The following SUMF1 variants were observed in gnomAD, a reference collection of about 807,000 sequenced individuals.
SUMF1 encodes the protein formylglycine-generating enzyme.
A neutral mutation model predicts 47.6 loss-of-function variants in SUMF1; 48 were observed. That is an observed-to-expected ratio of 1.01 (90% CI 0.80 to 1.28). The LOEUF is 1.28. Ranked by LOEUF, SUMF1 falls within the 50% of genes most tolerant of loss-of-function variation. The pLI is 0.00. For missense variants in SUMF1, 571 were observed against 485.4 expected, an observed-to-expected ratio of 1.18 and a Z score of -1.66; for synonymous variants, 230 against 192.1, an observed-to-expected ratio of 1.20 and a Z score of -1.63.
At chr3:4,204,857 A>T (rs1695618492) in intron 8 of SUMF1, among the ~76,000 whole-genome samples, 1 of 151,586 alleles carries the variant, frequency 6.6e-6, no homozygotes, top group Non-Finnish European at 1.5e-5. Context: ...TTACTTTGTT[A>T]AGTTTATCTT....
chr3:4,257,988 C>G (rs1260836432), intron 8 of SUMF1, among the ~76,000 whole-genome samples: 1 of 152,008 alleles, frequency 6.6e-6, no homozygotes, highest in East Asian at 1.9e-4. Flanking sequence ...CTTTGACAAA[C>G]CTGACAAAAA....
intron 8 of SUMF1, among the ~76,000 whole-genome samples, chr3:4,205,741 G>A (rs1695637525): frequency 6.6e-6 from 1 of 152,088 alleles, no homozygotes; most frequent in Admixed American, 6.5e-5. Flanking sequence ...AGATTACCAG[G>A]CAGAGTCTCT....
intron 8 of SUMF1, among the ~76,000 whole-genome samples, chr3:4,134,907 C>G (rs983572773): frequency 1.3e-5 from 2 of 152,034 alleles, no homozygotes; most frequent in East Asian, 3.9e-4. Context: ...ATACACTTTC[C>G]CAAGACTAAA....
At chr3:4,277,862 G>C (rs1697450358) in intron 8 of SUMF1, among the ~76,000 whole-genome samples, 1 of 151,864 alleles carries the variant, frequency 6.6e-6, no homozygotes, top group South Asian at 2.1e-4. Flanking sequence ...TTTAAACAGG[G>C]CCCATCCAAA....
At chr3:4,185,155 A>T (rs1331201703) in intron 8 of SUMF1, among the ~76,000 whole-genome samples, 1 of 152,172 alleles carries the variant, frequency 6.6e-6, no homozygotes, top group East Asian at 1.9e-4. Flanking sequence ...AATTTCCCTA[A>T]AGAAATCATA....
intron 8 of SUMF1, among the ~76,000 whole-genome samples, chr3:4,239,152 G>C (rs764989660): frequency 1.3e-5 from 2 of 152,232 alleles, no homozygotes; most frequent in Non-Finnish European, 2.9e-5. Flanking sequence ...TTTGGTACCC[G>C]TACCATGCTA....
At chr3:4,383,507 C>T (rs539430864) in intron 7 of SUMF1, among the ~76,000 whole-genome samples, 19 of 152,214 alleles carry the variant, frequency 1.2e-4, no homozygotes, top group African/African-American at 4.6e-4. Flanking sequence ...GGTGGTGGCA[C>T]GGGGCAATTC....
chr3:4,208,464 G>T (rs1289811447), intron 8 of SUMF1, among the ~76,000 whole-genome samples: 1 of 78,772 alleles, frequency 1.3e-5, no homozygotes, highest in African/African-American at 5.8e-5. Flanking sequence ...GGACATTCTA[G>T]AAGGCAAAAA....
chr3:4,273,456 A>G (rs1297620739), intron 8 of SUMF1, among the ~76,000 whole-genome samples: 1 of 152,092 alleles, frequency 6.6e-6, no homozygotes, highest in East Asian at 1.9e-4. Flanking sequence ...TGAAATGTCT[A>G]GAAAAATATC....
At chr3:4,062,340 A>T (rs1695290586) in intron 9 of SUMF1, among the ~76,000 whole-genome samples, 1 of 152,164 alleles carries the variant, frequency 6.6e-6, no homozygotes, top group Non-Finnish European at 1.5e-5. Flanking sequence ...CATCAGAATG[A>T]TAATAATAGC....
intron 8 of SUMF1, among the ~76,000 whole-genome samples, chr3:4,127,221 C>G (rs1046100269): frequency 6.6e-6 from 1 of 152,124 alleles, no homozygotes. Flanking sequence ...TGGCTAAAAA[C>G]CAAACCCAGG....
At chr3:4,097,349 T>C (rs557391047) in intron 8 of SUMF1, among the ~76,000 whole-genome samples, 1 of 152,084 alleles carries the variant, frequency 6.6e-6, no homozygotes, top group East Asian at 1.9e-4. Context: ...GGTCAGGAGT[T>C]CAAGACCAGC....
At chr3:4,248,405 C>G (rs754402285) in intron 8 of SUMF1, among the ~76,000 whole-genome samples, 1 of 152,176 alleles carries the variant, frequency 6.6e-6, no homozygotes, top group African/African-American at 2.4e-5. Context: ...CAAGACATCA[C>G]TTTTTTGTTT....
intron 8 of SUMF1, among the ~76,000 whole-genome samples, chr3:4,336,738 G>C (rs554535331): frequency 1.1e-4 from 16 of 152,286 alleles, no homozygotes; most frequent in African/African-American, 3.9e-4. Flanking sequence ...CATGATCAAA[G>C]ATAATTCAAT....
intron 8 of SUMF1, among the ~76,000 whole-genome samples, chr3:4,081,924 A>G (rs1250189289): frequency 6.6e-6 from 1 of 152,116 alleles, no homozygotes; most frequent in Non-Finnish European, 1.5e-5. Context: ...TGATATTTCC[A>G]TTGTTGTTGA....
In SUMF1 at chr3:4,455,959, G is replaced by A. The variant is rs9838656; in HGVS notation, c.271-2910C>T. Among the ~76,000 whole-genome samples the A allele has an allele frequency of 5.9e-5, 9 of 152,094 alleles. No homozygotes were observed. In the East Asian group the frequency reaches 1.5e-3, roughly 26 times the overall value. ...CAGGCCAATATCCCTAATGAACATA[G>A]ATGCAAACATTCTAACAAAATACTA... On this transcript the variant is annotated intron_variant, in intron 1 of 8. Transcript: ENST00000272902.
intron 7 of SUMF1, among the ~76,000 whole-genome samples, chr3:4,383,858 A>AGT (rs2124893118): frequency 6.6e-6 from 1 of 152,342 alleles, no homozygotes; most frequent in South Asian, 2.1e-4. Context: ...ATGACACTGT[A>AGT]GTGGCCTAAC....
downstream of SUMF1, among the ~76,000 whole-genome samples, chr3:4,360,128 A>G (rs1699710406): frequency 6.6e-6 from 1 of 152,054 alleles, no homozygotes; most frequent in East Asian, 1.9e-4. Flanking sequence ...AGTAAAAACA[A>G]ACTGTACTGG....
chr3:4,122,495 A>G (rs1481465654), intron 8 of SUMF1, among the ~76,000 whole-genome samples: 15 of 152,200 alleles, frequency 9.9e-5, no homozygotes, highest in Non-Finnish European at 2.9e-5. Context: ...TGGTTTTACA[A>G]CAGTGTGAAT....
Sources: gnomAD v4.1 joint callset for allele counts (sites outside exome capture counted in the v4.1 genomes callset) on GRCh38, gnomAD v4.1.1 for gene constraint, MANE v1.5 for transcripts, NCBI Gene and HGNC (gene_info 2026-07-23, HGNC 2026-07-21) for gene names.